Variants in SOHLH2 observed in about 807,000 individuals in gnomAD.
SOHLH2 encodes the protein spermatogenesis and oogenesis specific basic helix-loop-helix 2.
A neutral mutation model predicts 50.4 loss-of-function variants in SOHLH2; 22 were observed. That is an observed-to-expected ratio of 0.44 (90% CI 0.31 to 0.62). The LOEUF is 0.62. Ranked by LOEUF, SOHLH2 falls within the 20% of genes least tolerant of loss-of-function variation. The probability of loss-of-function intolerance (pLI) is 0.08; values close to 1 mark genes in which losing one functional copy is unlikely to be tolerated. For synonymous variants in SOHLH2, 185 were observed against 187.3 expected (o/e 0.99, Z 0.10); for missense variants, 412 against 504.4 (o/e 0.82, Z 1.76).
At position 36,168,979 on chromosome 13, in the gene SOHLH2, A is replaced by G; in HGVS notation, c.*55T>C. On this transcript the variant is annotated 3_prime_UTR_variant, in exon 11 of 11. Transcript: ENST00000379881. ...TCATTCTTTGTTCCACTTTTCCTAG[A>G]TTGTCAAACTGCGCCCAGTAGGTGG... is the stretch of plus-strand genomic sequence containing the variant. 2 of 1,576,726 alleles carry G rather than the reference A, an allele frequency of 1.3e-6. No homozygotes were observed. Among genetic ancestry groups the G allele is most frequent in the Non-Finnish European group, 1.7e-6 (2 of 1,165,422 alleles).
In SOHLH2 at chr13:36,191,762, T is replaced by C. The variant is rs752107554; in HGVS notation, c.530+33A>G. On this transcript the variant is annotated intron_variant, in intron 5 of 10. Transcript: ENST00000379881. ...CCACAATCAATAAGTTCTCTAAAAATATTGCTATTATGAAAAAGAACAAAA... is the reference window on the plus strand; with the variant it reads ...CCACAATCAATAAGTTCTCTAAAAACATTGCTATTATGAAAAAGAACAAAA... 14 of 1,611,390 alleles carry C rather than the reference T, an allele frequency of 8.7e-6. No individual in the cohort carries two copies. The South Asian group carries it at 1.4e-4, about 16-fold the overall frequency.
In SOHLH2 at chr13:36,214,460, C is replaced by A. The variant is rs1198635012; in HGVS notation, c.48+19G>T. The A allele has an allele frequency of 9.9e-6, 16 of 1,611,530 alleles. No individual in the cohort carries two copies. The highest frequency in any genetic ancestry group is 2.7e-5 in the African/African-American group (2 of 74,856). On this transcript the variant is annotated intron_variant, in intron 1 of 10. Coordinates refer to ENST00000379881, the MANE Select transcript of SOHLH2 (RefSeq NM_017826.3). The stretch of plus-strand genomic sequence containing the variant: ...GCGAGGTTATAAACGCAGCTGCCTC[C>A]CCTTCCACAGCCTCTTACCTGGCCC...
At chr13:36,187,503 G>A (rs969618044) in intron 6 of SOHLH2, among the ~76,000 whole-genome samples, 1 of 152,026 alleles carries the variant, frequency 6.6e-6, no homozygotes, top group South Asian at 2.1e-4. Context: ...ACTGGCCAGC[G>A]GGCCCTAAGT....
intron 1 of SOHLH2, among the ~76,000 whole-genome samples, chr13:36,207,301 T>C (rs1268949979): frequency 1.3e-5 from 2 of 151,906 alleles, no homozygotes; most frequent in Non-Finnish European, 2.9e-5. Flanking sequence ...AGGCTTCCTA[T>C]TTACTGTAAT....
At chr13:36,181,225 T>C (rs1887246646) in intron 6 of SOHLH2, among the ~76,000 whole-genome samples, 1 of 152,126 alleles carries the variant, frequency 6.6e-6, no homozygotes, top group African/African-American at 2.4e-5. Context: ...GATATATTTC[T>C]ATTAATTTAT....
rs942726954 is a variant in SOHLH2, at chr13:36,198,162, G to A, written c.263+3717C>T. Among the ~76,000 whole-genome samples the A allele has an allele frequency of 3.9e-5, 6 of 152,178 alleles. No homozygotes were observed. In the South Asian group the frequency reaches 8.3e-4, roughly 21 times the overall value. ...TCAGATTCAAACTTGATTTGTTGACGGAGCAGATGGAGCCACATCCTGCGT... is the reference window on the plus strand; with the variant it reads ...TCAGATTCAAACTTGATTTGTTGACAGAGCAGATGGAGCCACATCCTGCGT... On this transcript the variant is annotated intron_variant, in intron 2 of 10. Coordinates refer to ENST00000379881, the MANE Select transcript of SOHLH2 (RefSeq NM_017826.3).
At chr13:36,187,066 A>G (rs761251266) in intron 6 of SOHLH2, among the ~76,000 whole-genome samples, 47 of 152,136 alleles carry the variant, frequency 3.1e-4, no homozygotes, top group Admixed American at 6.5e-4. Flanking sequence ...ATCTCTAAAG[A>G]GAAAGGGGGA....
intron 6 of SOHLH2, among the ~76,000 whole-genome samples, chr13:36,188,164 T>C (rs1280399038): frequency 6.6e-6 from 1 of 152,130 alleles, no homozygotes; most frequent in East Asian, 1.9e-4. Flanking sequence ...GACTGGACCA[T>C]CCACCAGCTG....
chr13:36,206,977 C>T (rs1281014742), intron 1 of SOHLH2, among the ~76,000 whole-genome samples: 2 of 151,002 alleles, frequency 1.3e-5, no homozygotes, highest in African/African-American at 4.9e-5. Flanking sequence ...TAAAACATAC[C>T]TCCTTGCCCT....
intron 2 of SOHLH2, among the ~76,000 whole-genome samples, chr13:36,198,558 G>A (rs190172526): frequency 6.6e-6 from 1 of 152,284 alleles, no homozygotes; most frequent in East Asian, 1.9e-4. Context: ...AAATTAGGCA[G>A]TACTATCAGG....
rs750889381 is a variant in SOHLH2 at position 36,193,710 on chromosome 13, T to C, written c.341A>G (p.His114Arg). ...PENFKGCISG[H>R]GMDIALTEPL... ...TTCAGTTAAAGCAATATCCATTCCA[T>C]GCCCTGAAATACAACCTAAGAATCT... Residue 114 changes from histidine to arginine, a missense_variant, in exon 4 of 11, where the codon CAT becomes CGT. Coordinates refer to ENST00000379881, the MANE Select transcript of SOHLH2 (RefSeq NM_017826.3). 4 of 1,611,102 alleles carry C rather than the reference T, an allele frequency of 2.5e-6. No homozygotes were observed. The highest frequency in any genetic ancestry group is 1.7e-5 in the Admixed American group (1 of 59,362).
intron 6 of SOHLH2, among the ~76,000 whole-genome samples, chr13:36,180,250 G>T (rs1235420904): frequency 6.6e-6 from 1 of 152,068 alleles, no homozygotes; most frequent in Admixed American, 6.6e-5. Flanking sequence ...TTTCATTCAT[G>T]ATTGTGATAT....
At chr13:36,202,587 T>C (rs182608585) in intron 1 of SOHLH2, among the ~76,000 whole-genome samples, 1 of 152,234 alleles carries the variant, frequency 6.6e-6, no homozygotes, top group African/African-American at 2.4e-5. Flanking sequence ...ATATGTGCTA[T>C]TCAAACCTCA....
At chr13:36,180,587 T>A (rs567060385) in intron 6 of SOHLH2, among the ~76,000 whole-genome samples, 1 of 151,172 alleles carries the variant, frequency 6.6e-6, no homozygotes, top group South Asian at 2.1e-4. Flanking sequence ...CTTTGAAATA[T>A]TTTCTAATTT....
chr13:36,199,263 A>G (rs997431265), intron 2 of SOHLH2, among the ~76,000 whole-genome samples: 3 of 152,038 alleles, frequency 2.0e-5, no homozygotes, highest in African/African-American at 7.2e-5. Context: ...CTTCAGAGAC[A>G]TTCATAGCCT....
chr13:36,182,085 C>G, intron 6 of SOHLH2: 1 of 985,122 alleles, frequency 1.0e-6, no homozygotes, highest in Non-Finnish European at 1.2e-6. Context: ...CAGCTGTATA[C>G]TGCTAAGATT....
Position 36,201,908 on chromosome 13 carries a change from G to C in SOHLH2, c.234C>G (p.Ala78=), listed in dbSNP as rs376326296. 6.2e-7 allele frequency: 1 copy of C among 1,614,054 alleles called. No individual in the cohort carries two copies. The highest frequency in any genetic ancestry group is 1.7e-5 in the Admixed American group (1 of 60,006). ...TTAACTTGATGGCTTCCAGCTCCTCGGCACTTAGTGAAGAAGGCACCTTCA... is the reference window on the plus strand; with the variant it reads ...TTAACTTGATGGCTTCCAGCTCCTCCGCACTTAGTGAAGAAGGCACCTTCA... ...VLLKVPSSLS[A]EELEAIKLIR... Residue 78 remains alanine (A), a synonymous_variant, in exon 2 of 11, where the codon GCC becomes GCG. Transcript: ENST00000379881.
intron 4 of SOHLH2, 146 bp downstream of exon 4, chr13:36,193,475 T>A: frequency 1.0e-6 from 1 of 1,004,280 alleles, no homozygotes; most frequent in South Asian, 1.9e-5. Context: ...ATTCTAAACC[T>A]CTGAAGATGT....
At chr13:36,197,952 G>A (rs991527667) in intron 2 of SOHLH2, among the ~76,000 whole-genome samples, 5 of 152,078 alleles carry the variant, frequency 3.3e-5, no homozygotes, top group Non-Finnish European at 7.4e-5. Flanking sequence ...GTTTATTGTC[G>A]AATATTCAGA....
Sources: allele counts gnomAD v4.1 joint callset (sites outside exome capture counted in the v4.1 genomes callset), GRCh38; gene constraint gnomAD v4.1.1; transcripts MANE v1.5; gene names NCBI Gene and HGNC (gene_info 2026-07-23, HGNC 2026-07-21).